TNFSF4: variants seen among roughly 807,000 people sequenced by gnomAD.
TNFSF4 encodes the protein tumor necrosis factor ligand superfamily member 4.
A neutral mutation model predicts 7.3 loss-of-function variants in TNFSF4; 4 were observed. That is an observed-to-expected ratio of 0.55 (90% CI 0.27 to 1.25). The LOEUF (loss-of-function observed/expected upper bound fraction) is 1.25. TNFSF4 is among the 50% of genes most tolerant of loss of function. The probability of loss-of-function intolerance (pLI) is 0.12; values close to 1 mark genes in which losing one functional copy is unlikely to be tolerated. For synonymous variants in TNFSF4, 76 were observed against 83.7 expected (o/e 0.91, Z 0.50); for missense variants, 181 against 208.8 (o/e 0.87, Z 0.82).
At chr1:173,333,297 G>A in the TNFSF4 span, among the ~76,000 whole-genome samples, 7 of 140,730 alleles carry the variant, frequency 5.0e-5, no homozygotes, top group Non-Finnish European at 7.7e-5. Flanking sequence ...TAATGTGGAC[G>A]GGCCCCATCC....
At chr1:173,308,216 T>C in the TNFSF4 span, among the ~76,000 whole-genome samples, 1 of 151,700 alleles carries the variant, frequency 6.6e-6, no homozygotes, top group African/African-American at 2.4e-5. Context: ...TTGACTGCAG[T>C]CAACTTTATT....
the TNFSF4 span, among the ~76,000 whole-genome samples, chr1:173,359,510 TAAAAAAAAAAA>T: frequency 1.2e-3 from 152 of 122,738 alleles, no homozygotes; most frequent in Non-Finnish European, 2.3e-3. Flanking sequence ...TTACCAGCTG[TAAAAAAAAAAA>T]AAAAAAAAAA....
At chr1:173,414,735 C>A in the TNFSF4 span, among the ~76,000 whole-genome samples, 1 of 152,184 alleles carries the variant, frequency 6.6e-6, no homozygotes, top group African/African-American at 2.4e-5. Context: ...ATGGAATAAC[C>A]CAGATATATC....
At chr1:173,187,697 T>G (rs1649292128) in intron 2 of TNFSF4, among the ~76,000 whole-genome samples, 1 of 152,116 alleles carries the variant, frequency 6.6e-6, no homozygotes, top group South Asian at 2.1e-4. Context: ...AAGGAGGAAG[T>G]GGAGTAGGAG....
chr1:173,229,264 TG>T, the TNFSF4 span, among the ~76,000 whole-genome samples: 2 of 151,860 alleles, frequency 1.3e-5, no homozygotes, highest in Non-Finnish European at 2.9e-5. Context: ...CAGAAGAGAG[TG>T]GGGGCCAATA....
At chr1:173,274,094 C>G in the TNFSF4 span, among the ~76,000 whole-genome samples, 1 of 150,628 alleles carries the variant, frequency 6.6e-6, no homozygotes, top group African/African-American at 2.4e-5. Context: ...ATCTAATTAA[C>G]AGGTTGGTGT....
At chr1:173,222,079 T>C in the TNFSF4 span, among the ~76,000 whole-genome samples, 3 of 152,244 alleles carry the variant, frequency 2.0e-5, no homozygotes, top group African/African-American at 7.2e-5. Flanking sequence ...AGTAGCATTA[T>C]AATCCTGGAT....
the TNFSF4 span, among the ~76,000 whole-genome samples, chr1:173,246,221 G>C: frequency 1.3e-5 from 2 of 152,060 alleles, no homozygotes; most frequent in Non-Finnish European, 2.9e-5. Context: ...CATAGGTGTT[G>C]GTGGTTTGCT....
At chr1:173,268,982 C>T in the TNFSF4 span, among the ~76,000 whole-genome samples, 10 of 151,992 alleles carry the variant, frequency 6.6e-5, no homozygotes, top group African/African-American at 1.4e-4. Flanking sequence ...AAAAATGTGA[C>T]GAAGTCATTT....
At chr1:173,355,999 A>G in the TNFSF4 span, among the ~76,000 whole-genome samples, 1 of 152,260 alleles carries the variant, frequency 6.6e-6, no homozygotes, top group African/African-American at 2.4e-5. Context: ...TATGCTGGCC[A>G]AGGAAAACAA....
At chr1:173,173,608 C>A in the TNFSF4 span, among the ~76,000 whole-genome samples, 2 of 152,202 alleles carry the variant, frequency 1.3e-5, no homozygotes, top group Non-Finnish European at 2.9e-5. Context: ...GCAGAGGTAC[C>A]CAAACCTTAA....
At chr1:173,299,021 T>C in the TNFSF4 span, among the ~76,000 whole-genome samples, 1 of 151,948 alleles carries the variant, frequency 6.6e-6, no homozygotes, top group African/African-American at 2.4e-5. Context: ...CATTTTCCAA[T>C]TATACATTTG....
At chr1:173,403,201 G>T in the TNFSF4 span, among the ~76,000 whole-genome samples, 1 of 152,082 alleles carries the variant, frequency 6.6e-6, no homozygotes, top group Non-Finnish European at 1.5e-5. Flanking sequence ...GAGGCTGCTG[G>T]TCCATGGACC....
At chr1:173,442,125 C>A in the TNFSF4 span, 1 of 152,112 alleles carries the variant, frequency 6.6e-6, no homozygotes, top group Non-Finnish European at 1.5e-5. Context: ...TGATGAAAAA[C>A]CTGAGTTGTA....
the TNFSF4 span, among the ~76,000 whole-genome samples, chr1:173,324,984 GA>G: frequency 1.3e-5 from 2 of 152,150 alleles, no homozygotes; most frequent in African/African-American, 2.4e-5. Flanking sequence ...GGATATCCAG[GA>G]ATTGAACTCA....
the TNFSF4 span, among the ~76,000 whole-genome samples, chr1:173,332,365 C>T: frequency 6.6e-6 from 1 of 152,154 alleles, no homozygotes; most frequent in Non-Finnish European, 1.5e-5. Context: ...TAGCTGCCTT[C>T]CAGGGAAACC....
the TNFSF4 span, chr1:173,440,538 AC>A: frequency 6.6e-6 from 1 of 152,206 alleles, no homozygotes; most frequent in Non-Finnish European, 1.5e-5. Flanking sequence ...GTTCTTCCAC[AC>A]TATAGAAAAC....
At chr1:173,317,056 T>TA in the TNFSF4 span, among the ~76,000 whole-genome samples, 15 of 152,274 alleles carry the variant, frequency 9.9e-5, no homozygotes, top group African/African-American at 2.4e-4. Flanking sequence ...ACTTCAGTCA[T>TA]AAAAAAACTT....
At chr1:173,196,078 C>A (rs1649687719) in intron 1 of TNFSF4, among the ~76,000 whole-genome samples, 1 of 152,102 alleles carries the variant, frequency 6.6e-6, no homozygotes. Flanking sequence ...CCACAGTAGA[C>A]TGAGAGGATA....
Sources: gnomAD v4.1 joint callset for allele counts (sites outside exome capture counted in the v4.1 genomes callset) on GRCh38, gnomAD v4.1.1 for gene constraint, MANE v1.5 for transcripts, NCBI Gene and HGNC (gene_info 2026-07-23, HGNC 2026-07-21) for gene names.